Variants in DNMT1 observed in about 807,000 individuals in gnomAD.
The protein encoded by DNMT1 is DNA methyltransferase 1.
DNMT1 carries 24 observed loss-of-function variants against 205.3 expected under a neutral mutation model. The observed-to-expected ratio is 0.12, with a 90% confidence interval of 0.08 to 0.16. The LOEUF is 0.16. DNMT1 is among the 10% of genes least tolerant of loss of function. The pLI is 1.00. For synonymous variants in DNMT1, 817 were observed against 839.8 expected (o/e 0.97, Z 0.47); for missense variants, 1,293 against 2,177.7 (o/e 0.59, Z 8.09).
rs1378784456 is a variant in DNMT1 at position 10,156,917 on chromosome 19, C to T, written c.1281-408G>A. ...ACAGGCTGAACCACCATGCCTGGCC[C>T]CGACACTCATTTTTTGGTTGCGGGA... On this transcript the variant is annotated intron_variant, in intron 17 of 40. Coordinates refer to ENST00000359526, the MANE Select transcript of DNMT1 (RefSeq NM_001130823.3). The surrounding 1 kb of genome is among the most constrained non-coding windows in gnomAD (Gnocchi z 4.2). Among the ~76,000 whole-genome samples, 1 of 152,106 alleles carries T rather than the reference C, an allele frequency of 6.6e-6. No homozygotes were observed. The highest frequency in any genetic ancestry group is 2.4e-5 in the African/African-American group (1 of 41,408).
chr19:10,154,483 C>A lies in DNMT1; in HGVS notation c.1833-4G>T, dbSNP rs753887750. The A allele has an allele frequency of 1.2e-6, 2 of 1,614,192 alleles. No homozygotes were observed. Among genetic ancestry groups the A allele is most frequent in the Non-Finnish European group, 1.7e-6 (2 of 1,180,040 alleles). On this transcript the variant is annotated splice_region_variant and splice_polypyrimidine_tract_variant and intron_variant, in intron 21 of 40. Transcript: ENST00000359526. The surrounding 1 kb of genome is among the most constrained non-coding windows in gnomAD (Gnocchi z 6.3). ...CTGCCGCCTCGCCTGGGCTCGCCTA[C>A]GGGAGAGGTTCCAGCATCTCAGAGG...
Position 10,159,542 on chromosome 19 carries a change from T to G in DNMT1, c.1280+116A>C, listed in dbSNP as rs1308924011. 3 of 1,077,420 alleles carry G rather than the reference T, an allele frequency of 2.8e-6. No homozygotes were observed. The highest frequency in any genetic ancestry group is 4.2e-6 in the Non-Finnish European group (3 of 720,212). 66.7% of individuals were successfully genotyped at this position (1,077,420 alleles called of 1,614,324 possible). A position where few individuals can be genotyped will look rare whatever the true frequency, so the allele number is the denominator to read the frequency against. On this transcript the variant is annotated intron_variant, in intron 17 of 40. Transcript: ENST00000359526. This position sits in a 1 kb window ranked among gnomAD's most constrained non-coding sequence, Gnocchi z 5.0. ...TGGCTCTTATCCACGAAGTGTTAGC[T>G]TAAGACATGTTGCAGGTCAGGCACT...
chr19:10,134,844 T>G (rs2089442803), intron 39 of DNMT1, among the ~76,000 whole-genome samples: 2 of 131,774 alleles, frequency 1.5e-5, no homozygotes, highest in East Asian at 2.2e-4. Context: ...GGGGACAGAG[T>G]GAGACCCTGT....
Position 10,138,695 on chromosome 19 carries a change from T to G in DNMT1, c.3949-90A>C. 1 of 1,506,646 alleles carries G rather than the reference T, an allele frequency of 6.6e-7. No individual in the cohort carries two copies. 93.3% of individuals were successfully genotyped at this position (1,506,646 alleles called of 1,614,324 possible). ...CCAGGCCCAGGGTCAGCAGCCTGAG[T>G]CGGGAGTGGCTGGCCAATGCGGAGT... On this transcript the variant is annotated intron_variant, in intron 34 of 40. Coordinates refer to ENST00000359526, the MANE Select transcript of DNMT1 (RefSeq NM_001130823.3). The surrounding 1 kb of genome is among the most constrained non-coding windows in gnomAD (Gnocchi z 4.1).
chr19:10,137,254 G>A lies in DNMT1; in HGVS notation c.4320C>T (p.Arg1440=). The change falls in exon 37 of 41, where the codon CGC becomes CGT. Residue 1440 remains arginine (R), a synonymous_variant. Transcript: ENST00000359526. This position sits in a 1 kb window ranked among gnomAD's most constrained non-coding sequence, Gnocchi z 6.4. ...CKDMSALVAA[R]MRHIPLAPGS... ...CTGGGGCCAAGGGGATGTGCCGCAT[G>A]CGGGCAGCCACCAATGCACTCATGT... 6.2e-7 allele frequency: 1 copy of A among 1,609,538 alleles called. No homozygotes were observed. Among genetic ancestry groups the A allele is most frequent in the Non-Finnish European group, 8.5e-7 (1 of 1,179,156 alleles).
intron 34 of DNMT1, among the ~76,000 whole-genome samples, chr19:10,139,212 T>C (rs961962423): frequency 5.3e-5 from 8 of 152,086 alleles, no homozygotes; most frequent in African/African-American, 1.9e-4. Context: ...CCACCTGGAG[T>C]GCAACCCTCG....
At chr19:10,164,490 G>A (rs546628609) in intron 11 of DNMT1, among the ~76,000 whole-genome samples, 1 of 152,220 alleles carries the variant, frequency 6.6e-6, no homozygotes, top group Non-Finnish European at 1.5e-5. Context: ...GTGCATGCCT[G>A]TAGTGCCAGC....
At position 10,155,028 on chromosome 19, in the gene DNMT1, G is replaced by C. The variant is rs2038427310; in HGVS notation, c.1521C>G (p.Pro507=). ...CAAATATGGGCGCATACTCGGGACT[G>C]GGATCCATCAGAATGTATTCGGCAA... ...TSFAEYILMD[P]SPEYAPIFGL... Residue 507 remains proline, a synonymous_variant, in exon 20 of 41, where the codon CCC becomes CCG. Transcript: ENST00000359526. The C allele has an allele frequency of 6.2e-7, 1 of 1,614,190 alleles. No homozygotes were observed. Among genetic ancestry groups the C allele is most frequent in the Non-Finnish European group, 8.5e-7 (1 of 1,180,046 alleles).
In DNMT1 at chr19:10,137,718, G is replaced by T; in HGVS notation, c.4293+114C>A. 1 of 1,404,340 alleles carries T rather than the reference G, an allele frequency of 7.1e-7. No individual in the cohort carries two copies. The highest frequency in any genetic ancestry group is 9.8e-7 in the Non-Finnish European group (1 of 1,018,290). The allele number at this position is 1,404,340 out of a possible 1,614,324, so 87.0% of individuals were successfully genotyped here. A position where few individuals can be genotyped will look rare whatever the true frequency, so the allele number is the denominator to read the frequency against. Reference sequence around the variant, plus strand: ...CACACAAAGGCTGAGGACTCGGGAGGAGGAGCCTGGGATCAGATTCCATGT... The same window carrying T: ...CACACAAAGGCTGAGGACTCGGGAGTAGGAGCCTGGGATCAGATTCCATGT... On this transcript the variant is annotated intron_variant, in intron 36 of 40. Coordinates refer to ENST00000359526, the MANE Select transcript of DNMT1 (RefSeq NM_001130823.3). The surrounding 1 kb of genome is among the most constrained non-coding windows in gnomAD (Gnocchi z 6.4).
intron 30 of DNMT1, chr19:10,141,533 G>A (rs1302097132): frequency 5.3e-6 from 2 of 377,918 alleles, no homozygotes; most frequent in Non-Finnish European, 5.0e-6. Context: ...GTAACAACAC[G>A]GAAAGGCCAA....
At chr19:10,175,879 A>G (rs1462871420) in intron 6 of DNMT1, among the ~76,000 whole-genome samples, 2 of 152,220 alleles carry the variant, frequency 1.3e-5, no homozygotes, top group Admixed American at 1.3e-4. Flanking sequence ...CCATAAAGTC[A>G]GCCTCAGACC....
chr19:10,191,787 G>T (rs972999442), intron 1 of DNMT1, among the ~76,000 whole-genome samples: 28 of 151,888 alleles, frequency 1.8e-4, no homozygotes, highest in African/African-American at 6.8e-4. Context: ...TTCAGTCCAG[G>T]AGTTCAAGAC....
chr19:10,180,932 T>C, intron 2 of DNMT1, 47 bp from the exon 3 acceptor site: 1 of 1,496,920 alleles, frequency 6.7e-7, no homozygotes, highest in Non-Finnish European at 9.3e-7. Flanking sequence ...CCCAAGCTAT[T>C]CACTAGTGGA....
At chr19:10,175,721 G>A in intron 6 of DNMT1, 103 bp from the exon 7 acceptor site, 2 of 1,095,902 alleles carry the variant, frequency 1.8e-6, no homozygotes, top group South Asian at 1.3e-5. Flanking sequence ...GAGGCTTCAA[G>A]TTTAATGTTT....
At chr19:10,157,255 A>G (rs2038476707) in intron 17 of DNMT1, among the ~76,000 whole-genome samples, 2 of 152,118 alleles carry the variant, frequency 1.3e-5, no homozygotes. Flanking sequence ...TATACCTATG[A>G]ATTCACCTAT....
chr19:10,135,388 C>A, intron 39 of DNMT1: 1 of 371,804 alleles, frequency 2.7e-6, no homozygotes, highest in Non-Finnish European at 5.2e-6. Context: ...TAAGCCAACC[C>A]GACACCTGAG....
intron 12 of DNMT1, 168 bp from the exon 13 acceptor site, chr19:10,162,916 G>T: frequency 1.4e-6 from 1 of 701,188 alleles, no homozygotes; most frequent in Non-Finnish European, 2.5e-6. Context: ...GCCTTCAGAG[G>T]CCCCAGGGTC....
Position 10,143,785 on chromosome 19 carries a change from G to A in DNMT1, c.3097C>T (p.Arg1033Trp), listed in dbSNP as rs144533539. 3.7e-5 allele frequency: 59 copies of A among 1,614,008 alleles called. No individual in the cohort carries two copies. Among genetic ancestry groups the A allele is most frequent in the African/African-American group, 2.8e-4 (21 of 74,912 alleles). The change falls in exon 29 of 41, where the codon CGG becomes TGG. Residue 1033 changes from arginine to tryptophan, a missense_variant. By Grantham distance (101) the Arg-to-Trp change is moderately radical (BLOSUM62 -3). Around this residue, in one of 13 missense-constraint regions of DNMT1, gnomAD observed 167 missense variants for 258.1 expected, o/e 0.65. Transcript: ENST00000359526. ...GRPNETDIKI[R>W]VNKFYRPENT... ...GCTGACCTGTAGAACTTGTTGACCC[G>A]GATTTTGATGTCAGTCTCATTGGGC...
At chr19:10,150,717 C>T (rs183534305) in intron 24 of DNMT1, among the ~76,000 whole-genome samples, 110 of 152,350 alleles carry the variant, frequency 7.2e-4, no homozygotes, top group Non-Finnish European at 1.3e-3. Context: ...CCAATGACCA[C>T]AGAACGGATG....
Sources: allele counts gnomAD v4.1 joint callset (sites outside exome capture counted in the v4.1 genomes callset), GRCh38; gene constraint gnomAD v4.1.1; regional missense constraint gnomAD v4.1.1; non-coding constraint Gnocchi (gnomAD v3.1); transcripts MANE v1.5; gene names NCBI Gene and HGNC (gene_info 2026-07-23, HGNC 2026-07-21).